IBA57: variants seen among roughly 807,000 people sequenced by gnomAD.
IBA57 encodes the protein iron-sulfur cluster assembly factor IBA57, mitochondrial.
Under a neutral mutation model 20.4 loss-of-function variants are expected in IBA57, and 20 were observed. The observed-to-expected ratio is 0.98, with a 90% CI of 0.69 to 1.42. IBA57 has a LOEUF of 1.42. Among genes scored for constraint, IBA57 ranks in the 40% most tolerant of loss-of-function variants. IBA57 has a pLI of 0.00. For missense variants in IBA57, 608 were observed against 499.3 expected (o/e 1.22, Z -2.07); for synonymous variants, 310 against 233.9 (o/e 1.33, Z -2.97).
intron 1 of IBA57, chr1:228,171,820 C>T (rs569592084): frequency 6.5e-6 from 1 of 153,124 alleles, no homozygotes; most frequent in South Asian, 2.1e-4. Context: ...TGGCGTCGCT[C>T]AGCTCCTCCC....
chr1:228,180,959 T>C lies in IBA57; in HGVS notation c.*5446T>C, dbSNP rs1488131104. 6 of 151,968 alleles carry C rather than the reference T, an allele frequency of 3.9e-5. No individual in the cohort carries two copies. The highest frequency in any genetic ancestry group is 1.5e-4 in the African/African-American group (6 of 41,330). The allele number at this position is 151,968 out of a possible 1,614,324, so 9.4% of individuals were successfully genotyped here. A position where few individuals can be genotyped will look rare whatever the true frequency, so the allele number is the denominator to read the frequency against. On this transcript the variant is annotated 3_prime_UTR_variant, in exon 3 of 3. Transcript: ENST00000366711. The stretch of plus-strand genomic sequence containing the variant: ...CAGGTGCATGCTAATTTTTAAAATT[T>C]TTTGTTTTTAAATGCTGGTCTTCAA...
In IBA57 at chr1:228,175,036, G is replaced by T; in HGVS notation, c.679+7G>T. On this transcript the variant is annotated splice_region_variant and intron_variant, in intron 2 of 2. Transcript: ENST00000366711. ...CAGCACCGATACCTGCAAGGTATGG[G>T]TGGGGTGGGCACGCTGGGCTGGATT... is the stretch of plus-strand genomic sequence containing the variant. 6.4e-7 allele frequency: 1 copy of T among 1,558,484 alleles called. No individual in the cohort carries two copies. The highest frequency in any genetic ancestry group is 8.7e-7 in the Non-Finnish European group (1 of 1,149,324).
chr1:228,166,583 G>A lies in IBA57; in HGVS notation c.341+426G>A, dbSNP rs185697769. Among the ~76,000 whole-genome samples the A allele has an allele frequency of 5.9e-5, 9 of 152,338 alleles. No individual in the cohort carries two copies. In the South Asian group the frequency reaches 8.3e-4, roughly 14 times the overall value. On this transcript the variant is annotated intron_variant, in intron 1 of 2. Coordinates refer to ENST00000366711, the MANE Select transcript of IBA57 (RefSeq NM_001010867.4). Reference sequence around the variant, plus strand: ...CAGGGACAAGGGGTTCAGGGGCCCCGCCTGGTGGCAGAGCTGTGTTTCTGA... The same window carrying A: ...CAGGGACAAGGGGTTCAGGGGCCCCACCTGGTGGCAGAGCTGTGTTTCTGA...
chr1:228,168,084 A>G (rs2034876179), intron 1 of IBA57, among the ~76,000 whole-genome samples: 1 of 152,142 alleles, frequency 6.6e-6, no homozygotes, highest in South Asian at 2.1e-4. Flanking sequence ...TAGGTCACTT[A>G]TGCGTGGATT....
chr1:228,165,851 C>A lies in IBA57; in HGVS notation c.35C>A (p.Pro12Gln), dbSNP rs376539936. The A allele has an allele frequency of 3.8e-6, 5 of 1,307,124 alleles. No individual in the cohort carries two copies. The highest frequency in any genetic ancestry group is 1.5e-5 in the African/African-American group (1 of 64,732). The allele number at this position is 1,307,124 out of a possible 1,614,324, so 81.0% of individuals were successfully genotyped here. Reference sequence around the variant, plus strand: ...GCGGCGCTGCTTCGAGGCGCCACTCCGGGGCGCGGCGGCCCGGTCTGGCGC... The same window carrying A: ...GCGGCGCTGCTTCGAGGCGCCACTCAGGGGCGCGGCGGCCCGGTCTGGCGC... ...ATAALLRGAT[P>Q]GRGGPVWRWR... Residue 12 changes from proline to glutamine, a missense_variant, in exon 1 of 3, where the codon CCG becomes CAG. Transcript: ENST00000366711.
In IBA57 at chr1:228,170,859, T is replaced by G. The variant is rs962360896; in HGVS notation, c.342-3833T>G. The stretch of plus-strand genomic sequence containing the variant: ...GAGGGAGGAGAGAGAAGGGAAGGAG[T>G]CAGGCCGGGTCCCAGAGCAGTGTTT... On this transcript the variant is annotated intron_variant, in intron 1 of 2. Transcript: ENST00000366711. This position sits in a 1 kb window ranked among gnomAD's most constrained non-coding sequence, Gnocchi z 4.8. Among the ~76,000 whole-genome samples, 1 of 150,468 alleles carries G rather than the reference T, an allele frequency of 6.6e-6. No individual in the cohort carries two copies. Among genetic ancestry groups the G allele is most frequent in the Admixed American group, 6.6e-5 (1 of 15,082 alleles).
Position 228,174,872 on chromosome 1 carries a change from G to A in IBA57, c.522G>A (p.Ser174=), listed in dbSNP as rs1377959585. 1.9e-6 allele frequency: 3 copies of A among 1,608,970 alleles called. No homozygotes were observed. Among genetic ancestry groups the A allele is most frequent in the Admixed American group, 1.7e-5 (1 of 59,736 alleles). The change falls in exon 2 of 3, where the codon TCG becomes TCA. Residue 174 remains serine (S), a synonymous_variant. Transcript: ENST00000366711. ...CCCCTGAGGCCTGCGGGGCTGCATCGCTGCAGGAGAGGGCAGGGGCTGCCG... is the reference window on the plus strand; with the variant it reads ...CCCCTGAGGCCTGCGGGGCTGCATCACTGCAGGAGAGGGCAGGGGCTGCCG... The part of the protein sequence containing the change: ...PSSPEACGAA[S]LQERAGAAAI...
At chr1:228,172,044 A>C (rs2034935887) in intron 1 of IBA57, 1 of 150,856 alleles carries the variant, frequency 6.6e-6, no homozygotes, top group African/African-American at 2.4e-5. Context: ...TAGTGCTCGG[A>C]CACCTCTGCA....
rs2035120404 is a variant in IBA57, at chr1:228,182,102, T to G, written c.*6589T>G. ...TATGTCAGACTCTCTCAGTGAGAAGTTCTCAGGGACAATAATAGCAGGGGG... is the reference window on the plus strand; with the variant it reads ...TATGTCAGACTCTCTCAGTGAGAAGGTCTCAGGGACAATAATAGCAGGGGG... On this transcript the variant is annotated 3_prime_UTR_variant, in exon 3 of 3. Transcript: ENST00000366711. 1 of 152,146 alleles carries G rather than the reference T, an allele frequency of 6.6e-6. No homozygotes were observed. Among genetic ancestry groups the G allele is most frequent in the Non-Finnish European group, 1.5e-5 (1 of 68,032 alleles). The allele number at this position is 152,146 out of a possible 1,614,324, so 9.4% of individuals were successfully genotyped here.
At chr1:228,166,382 TCACCCAGGGCCCAG>T (rs1275999454) in intron 1 of IBA57, among the ~76,000 whole-genome samples, 1 of 151,406 alleles carries the variant, frequency 6.6e-6, no homozygotes, top group Non-Finnish European at 1.5e-5. Flanking sequence ...CAGGGGAAGC[TCACCCAGGGCCCAG>T]CACCCGGGGG....
In IBA57 at chr1:228,179,667, T is replaced by TCA. The variant is rs2035077675; in HGVS notation, c.*4156_*4157dup. On this transcript the variant is annotated 3_prime_UTR_variant, in exon 3 of 3. Transcript: ENST00000366711. ...TAGTTAAAAAGCTCTACCCAAACAG[T>TCA]CACGTCTTGGTGAAAGTACAGAATC... 2 of 152,026 alleles carry TCA rather than the reference T, an allele frequency of 1.3e-5. No homozygotes were observed. Among genetic ancestry groups the TCA allele is most frequent in the African/African-American group, 2.4e-5 (1 of 41,382 alleles). 9.4% of individuals were successfully genotyped at this position (152,026 alleles called of 1,614,324 possible). A position where few individuals can be genotyped will look rare whatever the true frequency, so the allele number is the denominator to read the frequency against.
chr1:228,166,190 G>C, intron 1 of IBA57, 33 bp downstream of exon 1: 1 of 1,391,470 alleles, frequency 7.2e-7, no homozygotes, highest in Non-Finnish European at 9.4e-7. Flanking sequence ...CTCGGGGGCG[G>C]GCACCCAGGG....
Position 228,174,952 on chromosome 1 carries a change from A to C in IBA57, c.602A>C (p.Gln201Pro), listed in dbSNP as rs1200137554. ...TARMGWRLLT[Q>P]DEGPALVPGG... ...CGCATGGGGTGGCGGCTCCTCACCC[A>C]GGATGAAGGCCCAGCCCTGGTGCCC... The change falls in exon 2 of 3, where the codon CAG becomes CCG. Residue 201 changes from glutamine to proline, a missense_variant. Gln to Pro is a moderately conservative substitution (Grantham distance 76, BLOSUM62 -1). Transcript: ENST00000366711. 1.9e-6 allele frequency: 3 copies of C among 1,571,994 alleles called. No individual in the cohort carries two copies. In the African/African-American group the frequency reaches 4.0e-5, roughly 21 times the overall value.
At chr1:228,166,219 A>G (rs1487644072) in intron 1 of IBA57, 62 bp downstream of exon 1, 4 of 962,222 alleles carry the variant, frequency 4.2e-6, no homozygotes, top group African/African-American at 2.0e-5. Context: ...AGGGACCGGC[A>G]CCCAGGGACA....
At chr1:228,168,851 C>T (rs754235451) in intron 1 of IBA57, among the ~76,000 whole-genome samples, 7 of 152,116 alleles carry the variant, frequency 4.6e-5, no homozygotes, top group South Asian at 2.1e-4. Context: ...GACCATCCTC[C>T]GTGGGATTCA....
rs993837296 is a variant in IBA57 at position 228,181,402 on chromosome 1, G to A, written c.*5889G>A. On this transcript the variant is annotated 3_prime_UTR_variant, in exon 3 of 3. Transcript: ENST00000366711. ...GCTGCCTCTAGTTCCCCAGGCCACA[G>A]ACTCCATCAGGGCTCACCTGGAGCC... 6.6e-6 allele frequency: 1 copy of A among 152,342 alleles called. No individual in the cohort carries two copies. Among genetic ancestry groups the A allele is most frequent in the African/African-American group, 2.4e-5 (1 of 41,468 alleles). 9.4% of individuals were successfully genotyped at this position (152,342 alleles called of 1,614,324 possible). A position where few individuals can be genotyped will look rare whatever the true frequency, so the allele number is the denominator to read the frequency against.
At chr1:228,166,380 G>GCT (rs924048940) in intron 1 of IBA57, among the ~76,000 whole-genome samples, 2 of 152,156 alleles carry the variant, frequency 1.3e-5, no homozygotes, top group African/African-American at 4.8e-5. Flanking sequence ...CCCAGGGGAA[G>GCT]CTCACCCAGG....
At position 228,175,581 on chromosome 1, in the gene IBA57, G is replaced by A. The variant is rs1325786724; in HGVS notation, c.*68G>A. ...CTGGGGCCTTTGGCCTCTGTCCAGG[G>A]TCTTCCCGTCCCATCTGTCTGCTGC... On this transcript the variant is annotated 3_prime_UTR_variant, in exon 3 of 3. Coordinates refer to ENST00000366711, the MANE Select transcript of IBA57 (RefSeq NM_001010867.4). 3 of 1,494,896 alleles carry A rather than the reference G, an allele frequency of 2.0e-6. No homozygotes were observed. The African/African-American group carries it at 4.2e-5, about 21-fold the overall frequency. 92.6% of individuals were successfully genotyped at this position (1,494,896 alleles called of 1,614,324 possible).
chr1:228,175,667 TG>T lies in IBA57; in HGVS notation c.*156del. On this transcript the variant is annotated 3_prime_UTR_variant, in exon 3 of 3. Coordinates refer to ENST00000366711, the MANE Select transcript of IBA57 (RefSeq NM_001010867.4). ...AAGTCCCCCTTGTAGGTGCCCTGCC[TG>T]GCCCCACCCATGCTCAGGGGCCCCA... 1 of 995,042 alleles carries T rather than the reference TG, an allele frequency of 1.0e-6. No individual in the cohort carries two copies. Among genetic ancestry groups the T allele is most frequent in the Non-Finnish European group, 1.4e-6 (1 of 717,954 alleles). 61.6% of individuals were successfully genotyped at this position (995,042 alleles called of 1,614,324 possible). A position where few individuals can be genotyped will look rare whatever the true frequency, so the allele number is the denominator to read the frequency against.
Sources: gnomAD v4.1 joint callset for allele counts (sites outside exome capture counted in the v4.1 genomes callset) on GRCh38, gnomAD v4.1.1 for gene constraint, Gnocchi (gnomAD v3.1) non-coding constraint, MANE v1.5 for transcripts, NCBI Gene and HGNC (gene_info 2026-07-23, HGNC 2026-07-21) for gene names.